UGT1A7: variants seen among roughly 807,000 people sequenced by gnomAD.
UGT1A7 encodes the protein UDP glucuronosyltransferase family 1 member A7.
UGT1A7 carries 33 observed loss-of-function variants against 45.6 expected under a neutral mutation model. That is an observed-to-expected ratio of 0.72 (90% CI 0.55 to 0.97). The LOEUF (loss-of-function observed/expected upper bound fraction) is 0.97, where lower values mean the gene tolerates loss of function less well. UGT1A7 is among the 50% of genes least tolerant of loss of function. The probability of loss-of-function intolerance (pLI) is 0.00; values close to 1 mark genes in which losing one functional copy is unlikely to be tolerated. For synonymous variants in UGT1A7, 274 were observed against 250.6 expected, an observed-to-expected ratio of 1.09 and a Z score of -0.88; for missense variants, 684 against 666.2, an observed-to-expected ratio of 1.03 and a Z score of -0.29.
chr2:233,729,658 T>C (rs375249430), intron 1 of UGT1A7: 278 of 1,613,792 alleles, frequency 1.7e-4, no homozygotes, highest in Non-Finnish European at 2.3e-4. Flanking sequence ...GAACATTCCA[T>C]GTGATTTAGA....
Position 233,773,250 on chromosome 2 carries a change from T to C in UGT1A7, c.*691T>C, listed in dbSNP as rs967229603. 2.0e-5 allele frequency: 3 copies of C among 152,350 alleles called. No homozygotes were observed. Among genetic ancestry groups the C allele is most frequent in the Admixed American group, 6.5e-5 (1 of 15,274 alleles). The allele number at this position is 152,350 out of a possible 1,614,324, so 9.4% of individuals were successfully genotyped here. A position where few individuals can be genotyped will look rare whatever the true frequency, so the allele number is the denominator to read the frequency against. Reference sequence around the variant, plus strand: ...AAGTGCTGGGCAAGTTTACTTTTTTTCTGATGTTTCCTACAACTAAAAATA... The same window carrying C: ...AAGTGCTGGGCAAGTTTACTTTTTTCCTGATGTTTCCTACAACTAAAAATA... On this transcript the variant is annotated 3_prime_UTR_variant, in exon 5 of 5. Coordinates refer to ENST00000373426, the MANE Select transcript of UGT1A7 (RefSeq NM_019077.3).
chr2:233,747,900 C>T (rs1242605128), intron 1 of UGT1A7: 22 of 1,613,554 alleles, frequency 1.4e-5, no homozygotes, highest in Middle Eastern at 3.3e-4. Flanking sequence ...TCTTTCTGCT[C>T]CTTATGCAAG....
chr2:233,756,159 C>T (rs1012245411), intron 1 of UGT1A7: 2 of 152,210 alleles, frequency 1.3e-5, no homozygotes, highest in Non-Finnish European at 2.9e-5. Context: ...CCTAGGATTT[C>T]CTGGCTCATA....
At chr2:233,733,843 T>C (rs1303071690) in intron 1 of UGT1A7, among the ~76,000 whole-genome samples, 2 of 152,184 alleles carry the variant, frequency 1.3e-5, no homozygotes, top group African/African-American at 4.8e-5. Flanking sequence ...GAGGATTCCC[T>C]CTTTTTCTAT....
intron 1 of UGT1A7, among the ~76,000 whole-genome samples, chr2:233,739,272 C>T (rs1444866031): frequency 6.6e-6 from 1 of 152,138 alleles, no homozygotes; most frequent in African/African-American, 2.4e-5. Flanking sequence ...AGGTTGGAGC[C>T]CCCACACAGA....
rs201446096 is a variant in UGT1A7, at chr2:233,743,635, G to A, written c.856-23399G>A. On this transcript the variant is annotated intron_variant, in intron 1 of 4. Transcript: ENST00000373426. ...ACTCCCTGAAGACGTCGGCTGGGTC[G>A]CGGAAGCTGAAGACGTACTCGAAGG... 1.1e-3 allele frequency: 1,545 copies of A among 1,367,290 alleles called. 32 individuals are homozygous for A. In the South Asian group the frequency reaches 0.016, roughly 14 times the overall value. 84.7% of individuals were successfully genotyped at this position (1,367,290 alleles called of 1,614,324 possible).
At chr2:233,693,579 T>C (rs1240485987) in intron 1 of UGT1A7, 2 of 1,614,224 alleles carry the variant, frequency 1.2e-6, no homozygotes. Context: ...GTGTCCTACA[T>C]TCCCAGGTGC....
At chr2:233,754,832 T>G (rs773754133) in intron 1 of UGT1A7, 4 of 1,342,732 alleles carry the variant, frequency 3.0e-6, no homozygotes, top group Non-Finnish European at 4.0e-6. Context: ...AAGCTGGAAA[T>G]TCACTGAAGG....
Position 233,755,111 on chromosome 2 carries a change from G to A in UGT1A7, c.856-11923G>A, listed in dbSNP as rs41264157. 3,233 of 1,331,410 alleles carry A rather than the reference G, an allele frequency of 2.4e-3. 9 individuals carry two copies. Among genetic ancestry groups the A allele is most frequent in the Non-Finnish European group, 3.0e-3 (2,941 of 989,376 alleles). 82.5% of individuals were successfully genotyped at this position (1,331,410 alleles called of 1,614,324 possible). A position where few individuals can be genotyped will look rare whatever the true frequency, so the allele number is the denominator to read the frequency against. On this transcript the variant is annotated intron_variant, in intron 1 of 4. Coordinates refer to ENST00000373426, the MANE Select transcript of UGT1A7 (RefSeq NM_019077.3). ...GTTTCTACGCGTCCGACAACACCTC[G>A]TAGGCCTCAGCCACCTGCTTGAATC...
intron 4 of UGT1A7, among the ~76,000 whole-genome samples, chr2:233,768,995 A>C (rs771127427): frequency 6.6e-6 from 1 of 152,124 alleles, no homozygotes; most frequent in Admixed American, 6.5e-5. Context: ...CCCCCATTAG[A>C]TTTAAAACTC....
rs749953558 is a variant in UGT1A7, at chr2:233,682,638, T to C, written c.701T>C (p.Ile234Thr). Reference sequence around the variant, plus strand: ...AATGTCTTAGAAATAGCCTCTGAAATTCTCCAAACCCCTGTCACGGCATAT... The same window carrying C: ...AATGTCTTAGAAATAGCCTCTGAAACTCTCCAAACCCCTGTCACGGCATAT... ...FKNVLEIASE[I>T]LQTPVTAYDL... The change falls in exon 1 of 5, where the codon ATT (isoleucine) becomes ACT (threonine). Residue 234 changes from isoleucine (I) to threonine (T), a missense_variant. Coordinates refer to ENST00000373426, the MANE Select transcript of UGT1A7 (RefSeq NM_019077.3). 26 of 1,613,814 alleles carry C rather than the reference T, an allele frequency of 1.6e-5. No individual in the cohort carries two copies. The East Asian group carries it at 5.3e-4, about 33-fold the overall frequency.
At chr2:233,757,535 A>AAT (rs67292694) in intron 1 of UGT1A7, among the ~76,000 whole-genome samples, 7,470 of 88,184 alleles carry the variant, frequency 0.085, 593 homozygotes, top group East Asian at 0.11. Context: ...GCCTGTAAGG[A>AAT]ATATATATAT....
chr2:233,768,401 T>C lies in UGT1A7; in HGVS notation c.1257T>C (p.Asp419=), dbSNP rs767318575. The change falls in exon 4 of 5, where the codon GAT becomes GAC. Residue 419 remains aspartate (D), a synonymous_variant. Coordinates refer to ENST00000373426, the MANE Select transcript of UGT1A7 (RefSeq NM_019077.3). ...TLNVLEMTSE[D]LENALKAVIN... is the part of the protein sequence containing the mutation. The stretch of plus-strand genomic sequence containing the variant: ...ATGTTCTGGAAATGACTTCTGAAGA[T>C]TTAGAAAATGCTCTAAAAGCAGTCA... 1 of 1,614,148 alleles carries C rather than the reference T, an allele frequency of 6.2e-7. No homozygotes were observed. The highest frequency in any genetic ancestry group is 1.3e-5 in the African/African-American group (1 of 75,034).
intron 1 of UGT1A7, chr2:233,692,843 A>G (rs746217324): frequency 3.8e-5 from 55 of 1,453,204 alleles, no homozygotes; most frequent in Admixed American, 5.7e-5. Context: ...ATGGTTAAAT[A>G]TTAATTTGGG....
intron 1 of UGT1A7, among the ~76,000 whole-genome samples, chr2:233,724,270 G>C (rs1404305230): frequency 7.4e-6 from 1 of 134,526 alleles, no homozygotes; most frequent in African/African-American, 2.8e-5. Context: ...CGGACGGGGC[G>C]GCTGGCCGGG....
intron 1 of UGT1A7, among the ~76,000 whole-genome samples, chr2:233,764,715 A>C (rs1025640523): frequency 2.0e-5 from 3 of 152,182 alleles, no homozygotes; most frequent in African/African-American, 7.2e-5. Context: ...TGTCTCCCCA[A>C]GAAAGAGGGA....
chr2:233,736,477 G>T (rs565407070), intron 1 of UGT1A7, among the ~76,000 whole-genome samples: 1 of 152,272 alleles, frequency 6.6e-6, no homozygotes, highest in East Asian at 1.9e-4. Context: ...GCTTGGAGAG[G>T]TTTGTTACTA....
rs999993314 is a variant in UGT1A7 at position 233,702,022 on chromosome 2, C to CA, written c.855+19239dup. 3.8e-3 allele frequency among the ~76,000 whole-genome samples: 570 copies of CA among 150,354 alleles called. 6 individuals are homozygous for CA. Among genetic ancestry groups the CA allele is most frequent in the African/African-American group, 0.012 (497 of 41,028 alleles). ...AGCAGAACTGAAGGAAATAGAGACACAAAAAAAAACCCTTCAAAAAATTAA... is the reference window on the plus strand; with the variant it reads ...AGCAGAACTGAAGGAAATAGAGACACAAAAAAAAAACCCTTCAAAAAATTAA... On this transcript the variant is annotated intron_variant, in intron 1 of 4. Transcript: ENST00000373426.
chr2:233,768,384 GA>G lies in UGT1A7; in HGVS notation c.1243del (p.Met415Ter). 1.9e-6 allele frequency: 3 copies of G among 1,614,136 alleles called. No homozygotes were observed. The highest frequency in any genetic ancestry group is 2.5e-6 in the Non-Finnish European group (3 of 1,180,028). ...AGCTGGAGTGACCCTGAATGTTCTG[GA>G]AATGACTTCTGAAGATTTAGAAAAT... ...KGAGVTLNVLEMTSEDLENAL... is the reference protein window; with the variant it reads ...KGAGVTLNVLXMTSEDLENAL... On this transcript the variant is annotated frameshift_variant, in exon 4 of 5. Transcript: ENST00000373426. LOFTEE classifies it high-confidence loss of function.
Sources: gnomAD v4.1 joint callset for allele counts (sites outside exome capture counted in the v4.1 genomes callset) on GRCh38, gnomAD v4.1.1 for gene constraint, MANE v1.5 for transcripts, NCBI Gene and HGNC (gene_info 2026-07-23, HGNC 2026-07-21) for gene names.